The following SOX5 variants were observed in gnomAD, a reference collection of about 807,000 sequenced individuals.
The protein encoded by SOX5 is SRY-box transcription factor 5.
In SOX5, 9 loss-of-function variants were observed where a neutral mutation model predicts 92.0. The observed-to-expected ratio is 0.10, with a 90% confidence interval of 0.06 to 0.17. The LOEUF is 0.17. SOX5 is among the 10% of genes least tolerant of loss of function. The probability of loss-of-function intolerance (pLI) is 1.00; values close to 1 mark genes in which losing one functional copy is unlikely to be tolerated. For synonymous variants in SOX5, 344 were observed against 336.3 expected, an observed-to-expected ratio of 1.02 and a Z score of -0.25; for missense variants, 642 against 944.5, an observed-to-expected ratio of 0.68 and a Z score of 4.20.
At chr12:24,429,702 GTA>G (rs1937910667) in intron 1 of SOX5, among the ~76,000 whole-genome samples, 1 of 151,742 alleles carries the variant, frequency 6.6e-6, no homozygotes, top group East Asian at 1.9e-4. Context: ...TATAAAAATG[GTA>G]TGTTTTGTAG....
intron 1 of SOX5, among the ~76,000 whole-genome samples, chr12:24,377,959 C>T (rs1328588925): frequency 1.3e-5 from 2 of 152,198 alleles, no homozygotes; most frequent in East Asian, 1.9e-4. Context: ...GCATGTAAAT[C>T]GCATATGAGG....
chr12:23,535,526 T>C (rs188245486), intron 14 of SOX5, among the ~76,000 whole-genome samples: 82 of 152,354 alleles, frequency 5.4e-4, no homozygotes, highest in African/African-American at 1.9e-3. Context: ...GGTGGTCCTA[T>C]TGGAAAGGAT....
intron 1 of SOX5, among the ~76,000 whole-genome samples, chr12:24,487,849 T>C (rs1946670717): frequency 6.6e-6 from 1 of 150,924 alleles, no homozygotes; most frequent in Non-Finnish European, 1.5e-5. Context: ...AGTGTCCTCT[T>C]TTTTTTTTCC....
intron 1 of SOX5, among the ~76,000 whole-genome samples, chr12:24,479,923 C>G (rs1597148023): frequency 6.6e-6 from 1 of 152,292 alleles, no homozygotes; most frequent in South Asian, 2.1e-4. Context: ...ACCTCAGCCT[C>G]CCAAAGTGCT....
chr12:24,505,822 G>A (rs1007890558), intron 1 of SOX5, among the ~76,000 whole-genome samples: 2 of 107,404 alleles, frequency 1.9e-5, no homozygotes, highest in African/African-American at 8.1e-5. Flanking sequence ...GAAGGCCAAG[G>A]CTTGGTATGT....
chr12:23,595,505 G>A (rs1415977082), intron 9 of SOX5, among the ~76,000 whole-genome samples: 1 of 150,966 alleles, frequency 6.6e-6, no homozygotes, highest in Non-Finnish European at 1.5e-5. Context: ...TGTTGTCCCA[G>A]CTACTTGAGA....
At chr12:24,505,852 TGC>T (rs1555327765) in intron 1 of SOX5, among the ~76,000 whole-genome samples, 17 of 146,220 alleles carry the variant, frequency 1.2e-4, no homozygotes, top group African/African-American at 3.8e-4. Context: ...TGTGTGTGTG[TGC>T]GTGTGTGTGT....
chr12:24,425,595 C>G (rs1159647395), intron 1 of SOX5, among the ~76,000 whole-genome samples: 1 of 152,178 alleles, frequency 6.6e-6, no homozygotes, highest in East Asian at 1.9e-4. Flanking sequence ...AATCGGGAAA[C>G]CACCATTCTT....
chr12:23,977,033 T>C (rs1012065520), intron 4 of SOX5, among the ~76,000 whole-genome samples: 1 of 152,222 alleles, frequency 6.6e-6, no homozygotes, highest in Non-Finnish European at 1.5e-5. Flanking sequence ...CTGAACTCTG[T>C]ATTTAACCTC....
intron 6 of SOX5, among the ~76,000 whole-genome samples, chr12:23,704,402 T>C (rs1304600456): frequency 6.6e-6 from 1 of 151,768 alleles, no homozygotes; most frequent in Non-Finnish European, 1.5e-5. Flanking sequence ...TTGTCAATTA[T>C]GTATAAATGT....
intron 4 of SOX5, among the ~76,000 whole-genome samples, chr12:23,969,815 C>T (rs1948017596): frequency 6.6e-6 from 1 of 152,194 alleles, no homozygotes; most frequent in Non-Finnish European, 1.5e-5. Flanking sequence ...CAGACTATAG[C>T]ATCAGGTACC....
At chr12:24,451,190 A>G (rs765589947) in intron 1 of SOX5, among the ~76,000 whole-genome samples, 9 of 152,168 alleles carry the variant, frequency 5.9e-5, no homozygotes, top group Non-Finnish European at 8.8e-5. Context: ...TTATCCATTC[A>G]TATGTTGATG....
intron 1 of SOX5, among the ~76,000 whole-genome samples, chr12:24,475,459 A>G (rs1432658305): frequency 6.6e-6 from 1 of 152,150 alleles, no homozygotes; most frequent in African/African-American, 2.4e-5. Flanking sequence ...ACGTTTATGA[A>G]CTGAGCTGAA....
intron 2 of SOX5, among the ~76,000 whole-genome samples, chr12:23,846,799 C>A (rs1441385454): frequency 6.6e-6 from 1 of 152,128 alleles, no homozygotes; most frequent in African/African-American, 2.4e-5. Flanking sequence ...ATTCCAAGTT[C>A]AATTCTGCCT....
intron 4 of SOX5, among the ~76,000 whole-genome samples, chr12:23,987,759 T>A (rs1346432635): frequency 1.3e-5 from 2 of 152,186 alleles, no homozygotes; most frequent in Non-Finnish European, 2.9e-5. Context: ...GGCCACCATA[T>A]TCCAGCCTGG....
At chr12:23,665,013 C>T (rs953074857) in intron 7 of SOX5, among the ~76,000 whole-genome samples, 2 of 151,956 alleles carry the variant, frequency 1.3e-5, no homozygotes, top group Non-Finnish European at 2.9e-5. Flanking sequence ...AAGAATGGTT[C>T]GGTCTAAGAA....
intron 13 of SOX5, among the ~76,000 whole-genome samples, chr12:23,538,381 G>A (rs752532514): frequency 1.4e-4 from 22 of 152,152 alleles, no homozygotes; most frequent in Non-Finnish European, 3.2e-4. Context: ...TATAAACTCA[G>A]GTTACAGTGC....
At chr12:24,053,443 T>C (rs182869853) in intron 4 of SOX5, among the ~76,000 whole-genome samples, 51 of 148,470 alleles carry the variant, frequency 3.4e-4, no homozygotes, top group African/African-American at 1.2e-3. Context: ...TACTCTCTCT[T>C]ATATCATACA....
Position 24,153,102 on chromosome 12 carries a change from G to A in SOX5, c.-2+60241C>T, listed in dbSNP as rs537072358. Among the ~76,000 whole-genome samples the A allele has an allele frequency of 5.3e-5, 8 of 152,182 alleles. No individual in the cohort carries two copies. In the East Asian group the frequency reaches 1.6e-3, roughly 30 times the overall value. On this transcript the variant is annotated intron_variant, in intron 4 of 4. Transcript: ENST00000446891. ...CCATGATGCTTGCTCCAAGCAGCAG[G>A]CCATCATTTCAACCTTTGTTGCTTC...
Sources: allele counts gnomAD v4.1 joint callset (sites outside exome capture counted in the v4.1 genomes callset), GRCh38; gene constraint gnomAD v4.1.1; transcripts MANE v1.5; gene names NCBI Gene and HGNC (gene_info 2026-07-23, HGNC 2026-07-21).